KPNA6: variants seen among roughly 807,000 people sequenced by gnomAD.
The protein encoded by KPNA6 is importin subunit alpha-7.
KPNA6 carries 9 observed loss-of-function variants against 72.0 expected under a neutral mutation model. The observed-to-expected ratio is 0.13, with a 90% CI of 0.08 to 0.22. The LOEUF (loss-of-function observed/expected upper bound fraction) is 0.22. KPNA6 is among the 10% of genes least tolerant of loss of function. The pLI is 1.00. For synonymous variants in KPNA6, 219 were observed against 242.1 expected (o/e 0.90, Z 0.89); for missense variants, 374 against 655.7 (o/e 0.57, Z 4.69).
chr1:32,156,418 C>CT (rs762920636), intron 2 of KPNA6, among the ~76,000 whole-genome samples: 18 of 152,018 alleles, frequency 1.2e-4, no homozygotes, highest in Non-Finnish European at 1.8e-4. Context: ...CACTTTGTGG[C>CT]TATTACTAAG....
intron 1 of KPNA6, among the ~76,000 whole-genome samples, chr1:32,145,550 C>A (rs1028880935): frequency 6.6e-6 from 1 of 151,530 alleles, no homozygotes; most frequent in African/African-American, 2.4e-5. Context: ...GCCTCAGACT[C>A]CTGACCTCAA....
intron 1 of KPNA6, chr1:32,142,863 C>T (rs1641862677): frequency 1.0e-6 from 1 of 998,086 alleles, no homozygotes; most frequent in Non-Finnish European, 1.3e-6. Flanking sequence ...TTGTCTGCTT[C>T]CCCAGTGAAG....
intron 1 of KPNA6, among the ~76,000 whole-genome samples, chr1:32,141,800 AATT>A (rs1268985025): frequency 6.6e-5 from 10 of 152,132 alleles, no homozygotes; most frequent in African/African-American, 2.4e-4. Flanking sequence ...GACAAGGCTT[AATT>A]AACTTGAATT....
intron 1 of KPNA6, among the ~76,000 whole-genome samples, chr1:32,145,585 A>C (rs10914531): frequency 0.015 from 2,333 of 152,208 alleles, 21 homozygotes; most frequent in Middle Eastern, 0.061. Flanking sequence ...TCGGCCTCCC[A>C]AAGTGTTGAG....
At chr1:32,139,598 T>C (rs1292927994) in intron 1 of KPNA6, among the ~76,000 whole-genome samples, 1 of 152,170 alleles carries the variant, frequency 6.6e-6, no homozygotes, top group East Asian at 1.9e-4. Context: ...AAAACTAGAA[T>C]GTGAGGCGTT....
At chr1:32,140,659 T>C (rs1255017033) in intron 1 of KPNA6, among the ~76,000 whole-genome samples, 3 of 152,070 alleles carry the variant, frequency 2.0e-5, no homozygotes, top group Non-Finnish European at 4.4e-5. Context: ...AACTGAGAAA[T>C]GGGGCAGTAG....
chr1:32,142,190 A>G (rs1431026371), intron 1 of KPNA6, among the ~76,000 whole-genome samples: 1 of 133,884 alleles, frequency 7.5e-6, no homozygotes, highest in Non-Finnish European at 1.5e-5. Flanking sequence ...CCGGAGACAG[A>G]GGTTGCAGGG....
At position 32,176,443 on chromosome 1, in the gene KPNA6, T is replaced by G. The variant is rs1642528684; in HGVS notation, c.*5549T>G. The G allele has an allele frequency of 6.6e-6, 1 of 152,470 alleles. No individual in the cohort carries two copies. The allele number at this position is 152,470 out of a possible 1,614,324, so 9.4% of individuals were successfully genotyped here. A position where few individuals can be genotyped will look rare whatever the true frequency, so the allele number is the denominator to read the frequency against. On this transcript the variant is annotated 3_prime_UTR_variant, in exon 14 of 14. Transcript: ENST00000373625. ...TAGGCGAAGAAAACATGGCATTGAG[T>G]GTGCTGAGTCCAGACAAATGTTATT...
intron 7 of KPNA6, among the ~76,000 whole-genome samples, chr1:32,161,229 A>G (rs757365588): frequency 1.4e-4 from 21 of 152,132 alleles, no homozygotes; most frequent in Non-Finnish European, 2.5e-4. Context: ...ACCTCATGTT[A>G]GTCATATCCT....
intron 1 of KPNA6, among the ~76,000 whole-genome samples, chr1:32,114,977 A>G (rs1385732871): frequency 6.6e-6 from 1 of 152,034 alleles, no homozygotes; most frequent in Non-Finnish European, 1.5e-5. Flanking sequence ...AGTAGCTGGG[A>G]TTATAGGTGT....
At position 32,175,653 on chromosome 1, in the gene KPNA6, G is replaced by A. The variant is rs1236322982; in HGVS notation, c.*4759G>A. 6.6e-6 allele frequency: 1 copy of A among 151,730 alleles called. No homozygotes were observed. The highest frequency in any genetic ancestry group is 1.5e-5 in the Non-Finnish European group (1 of 68,014). 9.4% of individuals were successfully genotyped at this position (151,730 alleles called of 1,614,324 possible). Reference sequence around the variant, plus strand: ...AAAAAATTAGCTGGGCGTGGTGGCAGGCGCCTGTAATCCCAGCTACTTGGG... The same window carrying A: ...AAAAAATTAGCTGGGCGTGGTGGCAAGCGCCTGTAATCCCAGCTACTTGGG... On this transcript the variant is annotated 3_prime_UTR_variant, in exon 14 of 14. Transcript: ENST00000373625.
At chr1:32,135,414 T>C (rs1365100678) in intron 1 of KPNA6, among the ~76,000 whole-genome samples, 1 of 152,040 alleles carries the variant, frequency 6.6e-6, no homozygotes, top group Non-Finnish European at 1.5e-5. Flanking sequence ...GCCAGGCTGG[T>C]CTCAAACTCC....
At chr1:32,157,312 G>A in intron 3 of KPNA6, 34 bp from the exon 4 acceptor site, 1 of 1,555,488 alleles carries the variant, frequency 6.4e-7, no homozygotes, top group Non-Finnish European at 8.9e-7. Flanking sequence ...TCTAATGTTG[G>A]TTTGCAAAGT....
chr1:32,116,417 G>T (rs1641329695), intron 1 of KPNA6, among the ~76,000 whole-genome samples: 1 of 151,830 alleles, frequency 6.6e-6, no homozygotes, highest in Non-Finnish European at 1.5e-5. Flanking sequence ...CTAGCACTTT[G>T]GGAGGCCCAG....
chr1:32,129,469 CCTAA>C (rs1641598983), intron 1 of KPNA6, among the ~76,000 whole-genome samples: 1 of 152,186 alleles, frequency 6.6e-6, no homozygotes, highest in East Asian at 1.9e-4. Context: ...CAAATGACTA[CCTAA>C]CTACTTGCCA....
intron 1 of KPNA6, among the ~76,000 whole-genome samples, chr1:32,110,970 C>T (rs531411483): frequency 1.8e-4 from 28 of 152,290 alleles, no homozygotes; most frequent in Non-Finnish European, 3.5e-4. Flanking sequence ...AGATTCTTTT[C>T]CACTTTCAAT....
At chr1:32,129,955 T>C (rs1439782279) in intron 1 of KPNA6, among the ~76,000 whole-genome samples, 2 of 149,640 alleles carry the variant, frequency 1.3e-5, no homozygotes, top group Admixed American at 1.4e-4. Flanking sequence ...GCTGGAAACA[T>C]TGGCTGTCAT....
chr1:32,129,051 C>G (rs981213786), intron 1 of KPNA6, among the ~76,000 whole-genome samples: 5 of 152,132 alleles, frequency 3.3e-5, no homozygotes, highest in African/African-American at 1.2e-4. Context: ...CACACCACTT[C>G]CAATGTGCCT....
intron 1 of KPNA6, among the ~76,000 whole-genome samples, chr1:32,128,200 A>G (rs996623332): frequency 1.3e-5 from 2 of 151,500 alleles, no homozygotes; most frequent in African/African-American, 4.9e-5. Context: ...TGTTTGGACT[A>G]TAGTTATCCC....
Sources: gnomAD v4.1 joint callset for allele counts (sites outside exome capture counted in the v4.1 genomes callset) on GRCh38, gnomAD v4.1.1 for gene constraint, MANE v1.5 for transcripts, NCBI Gene and HGNC (gene_info 2026-07-23, HGNC 2026-07-21) for gene names.